The following KCNIP4 variants were observed in gnomAD, a reference collection of about 807,000 sequenced individuals.
The protein encoded by KCNIP4 is Kv channel-interacting protein 4.
In KCNIP4, 12 loss-of-function variants were observed where a neutral mutation model predicts 34.0. That is an observed-to-expected ratio of 0.35 (90% CI 0.23 to 0.57). The LOEUF is 0.57. Among genes scored for constraint, KCNIP4 ranks in the 20% least tolerant of loss-of-function variants. The pLI is 0.83. For missense variants in KCNIP4, 238 were observed against 311.7 expected (o/e 0.76, Z 1.78); for synonymous variants, 124 against 102.2 (o/e 1.21, Z -1.29).
At chr4:20,995,367 A>C (rs555923757) in intron 1 of KCNIP4, among the ~76,000 whole-genome samples, 1 of 152,338 alleles carries the variant, frequency 6.6e-6, no homozygotes, top group East Asian at 1.9e-4. Flanking sequence ...ATGTAGTTAA[A>C]GCATTCATTG....
chr4:21,526,291 G>A (rs1051551427), intron 1 of KCNIP4, among the ~76,000 whole-genome samples: 8 of 151,992 alleles, frequency 5.3e-5, no homozygotes, highest in African/African-American at 1.9e-4. Flanking sequence ...TAATAAAGGG[G>A]AGTTCCTCTG....
chr4:20,934,642 A>C (rs1730852856), intron 1 of KCNIP4, among the ~76,000 whole-genome samples: 1 of 152,216 alleles, frequency 6.6e-6, no homozygotes, highest in Admixed American at 6.5e-5. Flanking sequence ...GATTTTTCTA[A>C]AAAGATAAAA....
At chr4:21,731,553 C>G (rs1433526427) in intron 1 of KCNIP4, among the ~76,000 whole-genome samples, 2 of 152,082 alleles carry the variant, frequency 1.3e-5, no homozygotes, top group Non-Finnish European at 2.9e-5. Flanking sequence ...TTTACATCCC[C>G]AAGTTATTAT....
intron 3 of KCNIP4, among the ~76,000 whole-genome samples, chr4:20,824,430 C>T (rs539626125): frequency 3.3e-5 from 5 of 152,162 alleles, no homozygotes; most frequent in African/African-American, 1.2e-4. Context: ...GCCTGTAATC[C>T]CAGCACTTTG....
At chr4:20,980,351 T>G (rs1481367167) in intron 1 of KCNIP4, among the ~76,000 whole-genome samples, 1 of 152,236 alleles carries the variant, frequency 6.6e-6, no homozygotes, top group Non-Finnish European at 1.5e-5. Context: ...ATGAGTGTTC[T>G]TTCTCCTTCC....
intron 1 of KCNIP4, among the ~76,000 whole-genome samples, chr4:21,143,585 C>G (rs193225327): frequency 6.6e-6 from 1 of 152,184 alleles, no homozygotes. Context: ...TACACTTGAT[C>G]ATAAATGGGT....
intron 1 of KCNIP4, among the ~76,000 whole-genome samples, chr4:21,142,581 C>T (rs1257178688): frequency 6.6e-6 from 1 of 152,060 alleles, no homozygotes; most frequent in Non-Finnish European, 1.5e-5. Flanking sequence ...GTGCTGAGAG[C>T]TCCTGGATGT....
chr4:20,950,747 C>A (rs1732697715), intron 1 of KCNIP4, among the ~76,000 whole-genome samples: 1 of 152,094 alleles, frequency 6.6e-6, no homozygotes, highest in Non-Finnish European at 1.5e-5. Flanking sequence ...GCAATCATAG[C>A]CTTTTGCTCC....
chr4:20,850,798 A>G, intron 2 of KCNIP4, 131 bp from the exon 3 acceptor site: 2 of 1,044,504 alleles, frequency 1.9e-6, no homozygotes, highest in Non-Finnish European at 2.7e-6. Context: ...GACCCTCACA[A>G]TGCCTATAAG....
At position 20,948,165 on chromosome 4, in the gene KCNIP4, AC is replaced by A. The variant is rs754150852; in HGVS notation, c.62-65457del. Among the ~76,000 whole-genome samples, 30 of 152,302 alleles carry A rather than the reference AC, an allele frequency of 2.0e-4. No homozygotes were observed. In the South Asian group the frequency reaches 6.2e-3, roughly 32 times the overall value. Reference sequence around the variant, plus strand: ...ATTGACTTTTCTGCTCCAGATTTGGACCTTATTCATTTGCAATATTTCCAAG... The same window carrying A: ...ATTGACTTTTCTGCTCCAGATTTGGACTTATTCATTTGCAATATTTCCAAG... On this transcript the variant is annotated intron_variant, in intron 1 of 8. Coordinates refer to ENST00000382152, the MANE Select transcript of KCNIP4 (RefSeq NM_025221.6).
chr4:20,744,713 C>T (rs1470561420), intron 5 of KCNIP4, among the ~76,000 whole-genome samples: 5 of 152,108 alleles, frequency 3.3e-5, no homozygotes, highest in Non-Finnish European at 7.4e-5. Context: ...CACATGTATA[C>T]ATATGTAACA....
intron 1 of KCNIP4, among the ~76,000 whole-genome samples, chr4:21,196,685 A>C (rs1756079647): frequency 6.6e-6 from 1 of 152,212 alleles, no homozygotes. Flanking sequence ...TTTTCACTTT[A>C]CCCTAGGCCC....
intron 1 of KCNIP4, among the ~76,000 whole-genome samples, chr4:21,072,585 T>C (rs2109000967): frequency 6.6e-6 from 1 of 152,254 alleles, no homozygotes; most frequent in East Asian, 1.9e-4. Flanking sequence ...TTTTCTCCCA[T>C]TCTATAGGTT....
At position 20,729,609 on chromosome 4, in the gene KCNIP4, T is replaced by G; in HGVS notation, c.*473A>C. 1 of 69,466 alleles carries G rather than the reference T, an allele frequency of 1.4e-5. No individual in the cohort carries two copies. The highest frequency in any genetic ancestry group is 7.6e-5 in the African/African-American group (1 of 13,156). The allele number at this position is 69,466 out of a possible 1,614,324, so 4.3% of individuals were successfully genotyped here. On this transcript the variant is annotated 3_prime_UTR_variant, in exon 9 of 9. Transcript: ENST00000382152. ...TGTAATCTTGTTTCCTTAAAGTATATAAATGGAATTTAAATGGAATTACAG... is the reference window on the plus strand; with the variant it reads ...TGTAATCTTGTTTCCTTAAAGTATAGAAATGGAATTTAAATGGAATTACAG...
Position 20,749,688 on chromosome 4 carries a change from C to T in KCNIP4, c.403G>A (p.Asp135Asn). ...AHFLFNAFDT[D>N]HNGAVSFEDF... is the part of the protein sequence containing the mutation. Reference sequence around the variant, plus strand: ...TCGAAACTCACAGCTCCATTGTGGTCTGTATCAAATGCATTGAACAGAAAA... The same window carrying T: ...TCGAAACTCACAGCTCCATTGTGGTTTGTATCAAATGCATTGAACAGAAAA... The change falls in exon 5 of 9, where the codon GAC becomes AAC. Residue 135 changes from aspartate (D) to asparagine (N), a missense_variant. By Grantham distance (23) the Asp-to-Asn change is conservative. Transcript: ENST00000382152. 1 of 1,609,408 alleles carries T rather than the reference C, an allele frequency of 6.2e-7. No individual in the cohort carries two copies. The highest frequency in any genetic ancestry group is 8.5e-7 in the Non-Finnish European group (1 of 1,176,668).
At chr4:21,494,260 T>C (rs1460992961) in intron 1 of KCNIP4, among the ~76,000 whole-genome samples, 1 of 152,146 alleles carries the variant, frequency 6.6e-6, no homozygotes, top group Non-Finnish European at 1.5e-5. Flanking sequence ...GTGTTGGCTA[T>C]ATAAATCCAA....
intron 1 of KCNIP4, among the ~76,000 whole-genome samples, chr4:21,732,399 C>T (rs10002474): frequency 7.2e-5 from 11 of 152,160 alleles, no homozygotes; most frequent in South Asian, 2.1e-4. Flanking sequence ...GTTCAATTCC[C>T]GAGAAGTGAG....
chr4:21,143,725 A>T (rs1248429958), intron 1 of KCNIP4, among the ~76,000 whole-genome samples: 5 of 148,380 alleles, frequency 3.4e-5, no homozygotes, highest in Admixed American at 3.3e-4. Context: ...TTTTTTTGAG[A>T]TGGAGTCTCA....
chr4:20,979,396 T>A (rs1735819641), intron 1 of KCNIP4, among the ~76,000 whole-genome samples: 1 of 145,216 alleles, frequency 6.9e-6, no homozygotes, highest in Non-Finnish European at 1.5e-5. Flanking sequence ...TTCCACTTTC[T>A]TTCTTTTTTT....
Sources: gnomAD v4.1 joint callset for allele counts (sites outside exome capture counted in the v4.1 genomes callset) on GRCh38, gnomAD v4.1.1 for gene constraint, MANE v1.5 for transcripts, NCBI Gene and HGNC (gene_info 2026-07-23, HGNC 2026-07-21) for gene names.